CILP2: variants seen among roughly 807,000 people sequenced by gnomAD.
CILP2 encodes the protein CILP-2.
In CILP2, 38 loss-of-function variants were observed where a neutral mutation model predicts 45.6. The observed-to-expected ratio is 0.83, with a 90% CI of 0.64 to 1.09. The LOEUF is 1.09. CILP2 is among the 50% of genes least tolerant of loss of function. The pLI is 0.00. For synonymous variants in CILP2, 780 were observed against 723.5 expected (o/e 1.08, Z -1.25); for missense variants, 1,735 against 1,662.2 (o/e 1.04, Z -0.76).
chr19:19,540,568 G>T (rs1250571479), intron 3 of CILP2, 92 bp downstream of exon 3: 12 of 761,868 alleles, frequency 1.6e-5, no homozygotes, highest in South Asian at 2.1e-5. Flanking sequence ...GCTGGGAGGG[G>T]CAGGACCGTG....
rs763292564 is a variant in CILP2 at position 19,544,762 on chromosome 19, G to T, written c.2217G>T (p.Val739=). The T allele has an allele frequency of 7.5e-6, 12 of 1,606,818 alleles. No homozygotes were observed. Among genetic ancestry groups the T allele is most frequent in the African/African-American group, 1.3e-5 (1 of 74,904 alleles). The part of the protein sequence containing the change: ...LDVPERRRCF[V]KVRAYANDKF... The stretch of plus-strand genomic sequence containing the variant: ...TGCCTGAGCGCCGCCGCTGCTTCGT[G>T]AAGGTGCGCGCCTACGCCAACGACA... The change falls in exon 8 of 8, where the codon GTG becomes GTT. Residue 739 remains valine (V), a synonymous_variant. Coordinates refer to ENST00000291495, the MANE Select transcript of CILP2 (RefSeq NM_153221.2).
intron 3 of CILP2, chr19:19,540,860 CG>C (rs2061240881): frequency 1.2e-5 from 5 of 415,774 alleles, no homozygotes; most frequent in Non-Finnish European, 2.1e-5. Context: ...GACTGATCCC[CG>C]GGACCTTATG....
At chr19:19,542,146 C>A (rs1337048083) in intron 4 of CILP2, among the ~76,000 whole-genome samples, 1 of 152,162 alleles carries the variant, frequency 6.6e-6, no homozygotes, top group Non-Finnish European at 1.5e-5. Flanking sequence ...AGGACCTCTT[C>A]CCTACGTCTC....
chr19:19,544,135 G>C lies in CILP2; in HGVS notation c.1590G>C (p.Glu530Asp), dbSNP rs762823592. ...TGACTTTTGTGGACCCCAGCGGTGAGTTCATGGACGCTGTCCGGGTCTTGC... is the reference window on the plus strand; with the variant it reads ...TGACTTTTGTGGACCCCAGCGGTGACTTCATGGACGCTGTCCGGGTCTTGC... Reference protein sequence around the residue: ...LVVTFVDPSGEFMDAVRVLPF... With the variant: ...LVVTFVDPSGDFMDAVRVLPF... Residue 530 changes from glutamate (E) to aspartate (D), a missense_variant, in exon 8 of 8, where the codon GAG (glutamate) becomes GAC (aspartate). Coordinates refer to ENST00000291495, the MANE Select transcript of CILP2 (RefSeq NM_153221.2). 17 of 1,613,812 alleles carry C rather than the reference G, an allele frequency of 1.1e-5. No individual in the cohort carries two copies. Among genetic ancestry groups the C allele is most frequent in the Non-Finnish European group, 1.4e-5 (16 of 1,180,038 alleles).
At position 19,545,279 on chromosome 19, in the gene CILP2, G is replaced by C. The variant is rs759748628; in HGVS notation, c.2734G>C (p.Val912Leu). Residue 912 changes from valine (V) to leucine (L), a missense_variant, in exon 8 of 8, where the codon GTC becomes CTC. Transcript: ENST00000291495. Reference sequence around the variant, plus strand: ...GGCGGACAAGTACGAGTACAACGTGGTCCCCTTCCGAGAGGGCACACCTGC... The same window carrying C: ...GGCGGACAAGTACGAGTACAACGTGCTCCCCTTCCGAGAGGGCACACCTGC... Reference protein sequence around the residue: ...VEADKYEYNVVPFREGTPASW... With the variant: ...VEADKYEYNVLPFREGTPASW... The C allele has an allele frequency of 3.7e-6, 6 of 1,612,828 alleles. No homozygotes were observed. In the African/African-American group the frequency reaches 5.3e-5, roughly 14 times the overall value.
At position 19,545,312 on chromosome 19, in the gene CILP2, A is replaced by C; in HGVS notation, c.2767A>C (p.Thr923Pro). 1 of 1,612,782 alleles carries C rather than the reference A, an allele frequency of 6.2e-7. No individual in the cohort carries two copies. Among genetic ancestry groups the C allele is most frequent in the Non-Finnish European group, 8.5e-7 (1 of 1,179,874 alleles). ...CCGAGAGGGCACACCTGCCTCCTGG[A>C]CTGGCGATCTCCTGGCCTGGTGGCC... ...PFREGTPASW[T>P]GDLLAWWPNP... The change falls in exon 8 of 8, where the codon ACT becomes CCT. Residue 923 changes from threonine to proline, a missense_variant. Physicochemically the swap from Thr to Pro is conservative, Grantham distance 38 (BLOSUM62 -1). Coordinates refer to ENST00000291495, the MANE Select transcript of CILP2 (RefSeq NM_153221.2).
chr19:19,539,205 T>G (rs1342610846), intron 1 of CILP2, among the ~76,000 whole-genome samples: 1 of 151,958 alleles, frequency 6.6e-6, no homozygotes, highest in Non-Finnish European at 1.5e-5. Context: ...GGAGAGTGTA[T>G]GGCAGCCCTT....
Position 19,540,313 on chromosome 19 carries a change from G to T in CILP2, c.273G>T (p.Pro91=). 6.3e-7 allele frequency: 1 copy of T among 1,580,542 alleles called. No homozygotes were observed. Reference sequence around the variant, plus strand: ...ACTACGGGCCAGCGCGCGTGTGCCCGCGACCGCTGGCGCTGGAAGCGCGCA... The same window carrying T: ...ACTACGGGCCAGCGCGCGTGTGCCCTCGACCGCTGGCGCTGGAAGCGCGCA... The part of the protein sequence containing the change: ...RFYYGPARVC[P]RPLALEARTT... The change falls in exon 3 of 8, where the codon CCG becomes CCT. Residue 91 remains proline, a synonymous_variant. Transcript: ENST00000291495.
chr19:19,543,290 C>T lies in CILP2; in HGVS notation c.1020C>T (p.Tyr340=), dbSNP rs747484764. Residue 340 remains tyrosine, a synonymous_variant, in exon 7 of 8, where the codon TAC becomes TAT. Transcript: ENST00000291495. ...TGCTGGACAGGCGAGCTCATGGGTA[C>T]GGGGCCCACCTGGAGCTGCGGGGAC... ...GTLLDRRAHG[Y]GAHLELRGLR... The T allele has an allele frequency of 1.3e-5, 21 of 1,613,636 alleles. No individual in the cohort carries two copies. The highest frequency in any genetic ancestry group is 1.2e-4 in the Admixed American group (7 of 60,006).
In CILP2 at chr19:19,538,273, C is replaced by A; in HGVS notation, c.-77C>A. ...ATCCCGCCCCCACTCTCAGTCCCAG[C>A]GGCCGCCAGACCCGCCGGAGTTGGA... On this transcript the variant is annotated 5_prime_UTR_variant, in exon 1 of 8. Coordinates refer to ENST00000291495, the MANE Select transcript of CILP2 (RefSeq NM_153221.2). The A allele has an allele frequency of 2.2e-6, 3 of 1,383,846 alleles. No homozygotes were observed. The highest frequency in any genetic ancestry group is 2.9e-6 in the Non-Finnish European group (3 of 1,018,600). The allele number at this position is 1,383,846 out of a possible 1,614,324, so 85.7% of individuals were successfully genotyped here.
In CILP2 at chr19:19,540,525, T is replaced by A. The variant is rs2061239585; in HGVS notation, c.436+49T>A. Reference sequence around the variant, plus strand: ...GGGCGGGGCTTTGAATGGGCGGGGCTGGCGAACGCCGGGAAGAGTCGTGGT... The same window carrying A: ...GGGCGGGGCTTTGAATGGGCGGGGCAGGCGAACGCCGGGAAGAGTCGTGGT... On this transcript the variant is annotated intron_variant, in intron 3 of 7. Transcript: ENST00000291495. The A allele has an allele frequency of 4.6e-5, 16 of 350,128 alleles. No homozygotes were observed. The South Asian group carries it at 1.7e-3, about 37-fold the overall frequency. The allele number at this position is 350,128 out of a possible 1,614,324, so 21.7% of individuals were successfully genotyped here.
rs768958250 is a variant in CILP2, at chr19:19,545,569, G to A, written c.3024G>A (p.Thr1008=). The A allele has an allele frequency of 8.1e-6, 13 of 1,611,186 alleles. No homozygotes were observed. Among genetic ancestry groups the A allele is most frequent in the East Asian group, 2.2e-5 (1 of 44,804 alleles). Residue 1008 remains threonine (T), a synonymous_variant, in exon 8 of 8, where the codon ACG becomes ACA. Transcript: ENST00000291495. The part of the protein sequence containing the change: ...MLFDQRQVDR[T]LVTIMPQGSC... ...TCGACCAGCGGCAGGTGGACAGGAC[G>A]CTGGTGACCATTATGCCCCAGGGCA...
chr19:19,544,421 C>A lies in CILP2; in HGVS notation c.1876C>A (p.Arg626Ser), dbSNP rs147580706. ...TSAASAPSDL[R>S]FVDSDGELAP... ...GGCGGCGTCTGCCCCCAGTGACCTG[C>A]GCTTCGTGGACAGCGACGGCGAGCT... The change falls in exon 8 of 8, where the codon CGC (arginine) becomes AGC (serine). Residue 626 changes from arginine (R) to serine (S), a missense_variant. Physicochemically the swap from Arg to Ser is moderately radical, Grantham distance 110. Transcript: ENST00000291495. The A allele has an allele frequency of 6.2e-7, 1 of 1,610,416 alleles. No homozygotes were observed. The highest frequency in any genetic ancestry group is 1.3e-5 in the African/African-American group (1 of 74,998).
chr19:19,543,282 C>T lies in CILP2; in HGVS notation c.1012C>T (p.His338Tyr), dbSNP rs758993213. 9.3e-6 allele frequency: 15 copies of T among 1,613,632 alleles called. No individual in the cohort carries two copies. The highest frequency in any genetic ancestry group is 1.7e-5 in the Admixed American group (1 of 60,006). The change falls in exon 7 of 8, where the codon CAT becomes TAT. Residue 338 changes from histidine (H) to tyrosine (Y), a missense_variant. His to Tyr is a moderately conservative substitution (Grantham distance 83). Transcript: ENST00000291495. Reference protein sequence around the residue: ...HNGTLLDRRAHGYGAHLELRG... With the variant: ...HNGTLLDRRAYGYGAHLELRG... ...TGGGACCCTGCTGGACAGGCGAGCT[C>T]ATGGGTACGGGGCCCACCTGGAGCT... is the stretch of plus-strand genomic sequence containing the variant.
At position 19,544,267 on chromosome 19, in the gene CILP2, G is replaced by A; in HGVS notation, c.1722G>A (p.Glu574=). ...AGAGCAACACGATCCCCCTGGGCGA[G>A]CTGGAAGATGAGGCGCCCCTGGGCG... The part of the protein sequence containing the change: ...TSQSNTIPLG[E]LEDEAPLGEL... The change falls in exon 8 of 8, where the codon GAG becomes GAA. Residue 574 remains glutamate (E), a synonymous_variant. Coordinates refer to ENST00000291495, the MANE Select transcript of CILP2 (RefSeq NM_153221.2). 1 of 1,613,622 alleles carries A rather than the reference G, an allele frequency of 6.2e-7. No individual in the cohort carries two copies. The highest frequency in any genetic ancestry group is 8.5e-7 in the Non-Finnish European group (1 of 1,180,006).
chr19:19,544,322 A>G lies in CILP2; in HGVS notation c.1777A>G (p.Arg593Gly), dbSNP rs1187679253. The change falls in exon 8 of 8, where the codon AGA becomes GGA. Residue 593 changes from arginine (R) to glycine (G), a missense_variant. Coordinates refer to ENST00000291495, the MANE Select transcript of CILP2 (RefSeq NM_153221.2). Reference sequence around the variant, plus strand: ...GGTCCTGCCTTCTGGCGCTTTCCGCAGAGCCGACGGCAAACCCTACTCGGG... The same window carrying G: ...GGTCCTGCCTTCTGGCGCTTTCCGCGGAGCCGACGGCAAACCCTACTCGGG... Reference protein sequence around the residue: ...ELVLPSGAFRRADGKPYSGPV... With the variant: ...ELVLPSGAFRGADGKPYSGPV... 1.9e-6 allele frequency: 3 copies of G among 1,612,302 alleles called. No homozygotes were observed. The highest frequency in any genetic ancestry group is 1.6e-4 in the Middle Eastern group (1 of 6,084).
chr19:19,543,821 T>TCCAGCCCCCGCTGCGGGGACG lies in CILP2; in HGVS notation c.1282_1302dup (p.Pro428_Ser434dup). 1.2e-6 allele frequency: 2 copies of TCCAGCCCCCGCTGCGGGGACG among 1,613,680 alleles called. No individual in the cohort carries two copies. The highest frequency in any genetic ancestry group is 2.2e-5 in the South Asian group (2 of 91,054). ...CACCCGCTGCCCCAGCCTGGCAGGCTCCAGCCCCCGCTGCGGGGACGCCAG... is the reference window on the plus strand; with the variant it reads ...CACCCGCTGCCCCAGCCTGGCAGGCTCCAGCCCCCGCTGCGGGGACGCCAGCCCCCGCTGCGGGGACGCCAG... On this transcript the variant is annotated inframe_insertion, in exon 8 of 8. Coordinates refer to ENST00000291495, the MANE Select transcript of CILP2 (RefSeq NM_153221.2).
rs776587223 is a variant in CILP2 at position 19,541,163 on chromosome 19, G to A, written c.509G>A (p.Arg170His). 1 of 1,258,540 alleles carries A rather than the reference G, an allele frequency of 7.9e-7. No individual in the cohort carries two copies. Among genetic ancestry groups the A allele is most frequent in the Admixed American group, 3.9e-5 (1 of 25,968 alleles). The allele number at this position is 1,258,540 out of a possible 1,614,324, so 78.0% of individuals were successfully genotyped here. ...GSCGPGRRLR[R>H]RHCPSPAGDA... Reference sequence around the variant, plus strand: ...TGTGGGCCAGGCCGTCGCTTGCGCCGCCGCCACTGCCCAAGCCCCGCTGGG... The same window carrying A: ...TGTGGGCCAGGCCGTCGCTTGCGCCACCGCCACTGCCCAAGCCCCGCTGGG... Residue 170 changes from arginine to histidine, a missense_variant, in exon 4 of 8, where the codon CGC becomes CAC. By Grantham distance (29) the Arg-to-His change is conservative (BLOSUM62 0). Coordinates refer to ENST00000291495, the MANE Select transcript of CILP2 (RefSeq NM_153221.2).
At chr19:19,541,950 G>A (rs576357095) in intron 4 of CILP2, among the ~76,000 whole-genome samples, 69 of 152,322 alleles carry the variant, frequency 4.5e-4, no homozygotes, top group Non-Finnish European at 8.8e-5. Context: ...CCCGGTGCCT[G>A]TGCCCTGAAG....
Sources: gnomAD v4.1 joint callset for allele counts (sites outside exome capture counted in the v4.1 genomes callset) on GRCh38, gnomAD v4.1.1 for gene constraint, MANE v1.5 for transcripts, NCBI Gene and HGNC (gene_info 2026-07-23, HGNC 2026-07-21) for gene names.